Variants in SLC35F4 observed in about 807,000 individuals in gnomAD.
SLC35F4 encodes the protein chromosome 14 open reading frame 36.
In SLC35F4, 24 loss-of-function variants were observed where a neutral mutation model predicts 44.2. That is an observed-to-expected ratio of 0.54 (90% CI 0.39 to 0.76). The LOEUF (loss-of-function observed/expected upper bound fraction) is 0.76, where lower values mean the gene tolerates loss of function less well. Ranked by LOEUF, SLC35F4 falls within the 30% of genes least tolerant of loss-of-function variation. The pLI is 0.00. For synonymous variants in SLC35F4, 238 were observed against 223.6 expected, an observed-to-expected ratio of 1.06 and a Z score of -0.57; for missense variants, 562 against 586.1, an observed-to-expected ratio of 0.96 and a Z score of 0.42.
At chr14:57,714,956 C>T (rs534633688) in intron 1 of SLC35F4, among the ~76,000 whole-genome samples, 15 of 152,240 alleles carry the variant, frequency 9.9e-5, no homozygotes, top group African/African-American at 3.6e-4. Context: ...AATCTCAGTT[C>T]GTTCAACGGA....
intron 1 of SLC35F4, among the ~76,000 whole-genome samples, chr14:57,939,903 G>A (rs545601416): frequency 6.6e-6 from 1 of 152,296 alleles, no homozygotes; most frequent in Non-Finnish European, 1.5e-5. Context: ...TTCCTGTATA[G>A]AAAGTGATGG....
rs138798421 is a variant in SLC35F4, at chr14:57,890,468, A to G, written n.282+91445T>C. 5.0e-3 allele frequency among the ~76,000 whole-genome samples: 769 copies of G among 152,344 alleles called. 8 individuals are homozygous for G. Among genetic ancestry groups the G allele is most frequent in the African/African-American group, 0.018 (737 of 41,592 alleles). On this transcript the variant is annotated intron_variant and non_coding_transcript_variant, in intron 1 of 1. Transcript: ENST00000556568. ...ATCAAATTTGAATGTTTGATTTTCTATGAAAGACAAATTATATCCCAGTGG... is the reference window on the plus strand; with the variant it reads ...ATCAAATTTGAATGTTTGATTTTCTGTGAAAGACAAATTATATCCCAGTGG...
At chr14:57,625,894 T>G (rs912319183) in intron 1 of SLC35F4, among the ~76,000 whole-genome samples, 1 of 152,118 alleles carries the variant, frequency 6.6e-6, no homozygotes, top group African/African-American at 2.4e-5. Context: ...GCGGCACTGT[T>G]AACAATAGCA....
intron 1 of SLC35F4, among the ~76,000 whole-genome samples, chr14:57,921,441 C>T (rs1287202822): frequency 6.6e-6 from 1 of 152,198 alleles, no homozygotes; most frequent in Non-Finnish European, 1.5e-5. Flanking sequence ...GAAACCTTGG[C>T]TTTTTCATCT....
chr14:57,915,948 C>T (rs1019179245), intron 1 of SLC35F4, among the ~76,000 whole-genome samples: 4 of 152,158 alleles, frequency 2.6e-5, no homozygotes, highest in African/African-American at 9.7e-5. Context: ...AACACCACTC[C>T]CACATTTTCA....
intron 1 of SLC35F4, among the ~76,000 whole-genome samples, chr14:57,800,803 CA>C (rs2078174093): frequency 1.3e-5 from 2 of 151,764 alleles, no homozygotes; most frequent in Admixed American, 1.3e-4. Context: ...ATAAGACAGG[CA>C]GACAAGAATA....
intron 1 of SLC35F4, among the ~76,000 whole-genome samples, chr14:57,965,972 C>G (rs569724285): frequency 6.6e-6 from 1 of 152,182 alleles, no homozygotes; most frequent in African/African-American, 2.4e-5. Context: ...CTTGACAAAG[C>G]ATTTGGCAGC....
intron 1 of SLC35F4, among the ~76,000 whole-genome samples, chr14:57,757,494 T>C (rs1368540427): frequency 6.6e-6 from 1 of 152,112 alleles, no homozygotes; most frequent in Non-Finnish European, 1.5e-5. Context: ...TGATTATATT[T>C]TATTTTCTTT....
chr14:57,917,739 A>G (rs1889358982), intron 1 of SLC35F4, among the ~76,000 whole-genome samples: 1 of 152,118 alleles, frequency 6.6e-6, no homozygotes, highest in Non-Finnish European at 1.5e-5. Flanking sequence ...GGTTTGTTAC[A>G]TAGGAATATT....
chr14:57,797,439 C>T (rs1324776110), intron 1 of SLC35F4, among the ~76,000 whole-genome samples: 1 of 152,186 alleles, frequency 6.6e-6, no homozygotes, highest in Non-Finnish European at 1.5e-5. Flanking sequence ...ATGTCCTCAT[C>T]CCCGCTTTGC....
intron 1 of SLC35F4, among the ~76,000 whole-genome samples, chr14:57,783,809 C>CT (rs2077689490): frequency 6.6e-6 from 1 of 152,074 alleles, no homozygotes. Flanking sequence ...CTAATTCAGC[C>CT]TTTAGATCAG....
chr14:57,591,269 T>C (rs1237156260), intron 2 of SLC35F4, among the ~76,000 whole-genome samples: 1 of 151,000 alleles, frequency 6.6e-6, no homozygotes, highest in Non-Finnish European at 1.5e-5. Context: ...ACAGATACAA[T>C]GCCAGACAAG....
intron 1 of SLC35F4, among the ~76,000 whole-genome samples, chr14:57,832,794 A>G (rs1884516131): frequency 6.6e-6 from 1 of 152,236 alleles, no homozygotes; most frequent in African/African-American, 2.4e-5. Context: ...AGCAATTGAA[A>G]ATAGAATGCT....
chr14:57,904,970 T>G (rs1889079099), intron 1 of SLC35F4, among the ~76,000 whole-genome samples: 1 of 152,238 alleles, frequency 6.6e-6, no homozygotes, highest in Non-Finnish European at 1.5e-5. Flanking sequence ...CATCTCATGC[T>G]GCAGGACAAA....
intron 1 of SLC35F4, among the ~76,000 whole-genome samples, chr14:57,689,406 G>C (rs1422024200): frequency 6.6e-6 from 1 of 151,996 alleles, no homozygotes; most frequent in Admixed American, 6.6e-5. Context: ...CCAAGAAAGA[G>C]CCATCTCAAA....
chr14:57,706,585 T>A (rs1480360310), intron 1 of SLC35F4, among the ~76,000 whole-genome samples: 1 of 150,346 alleles, frequency 6.7e-6, no homozygotes, highest in Non-Finnish European at 1.5e-5. Flanking sequence ...ATAACAGGAG[T>A]CTCAACTTAC....
intron 4 of SLC35F4, among the ~76,000 whole-genome samples, chr14:57,574,145 C>A (rs1272610264): frequency 6.6e-6 from 1 of 152,068 alleles, no homozygotes; most frequent in East Asian, 1.9e-4. Context: ...AAGATATGAC[C>A]ACAGGTAGGA....
At chr14:57,702,321 T>C (rs926244520) in intron 1 of SLC35F4, among the ~76,000 whole-genome samples, 2 of 124,732 alleles carry the variant, frequency 1.6e-5, no homozygotes, top group East Asian at 2.3e-4. Flanking sequence ...CAAATAAATA[T>C]CATTTTCTTT....
At chr14:57,658,692 C>G (rs1365143068) in intron 1 of SLC35F4, among the ~76,000 whole-genome samples, 2 of 152,114 alleles carry the variant, frequency 1.3e-5, no homozygotes, top group African/African-American at 4.8e-5. Context: ...TGCCAAGGTT[C>G]TTTGGAGAAA....
Sources: gnomAD v4.1 joint callset for allele counts (sites outside exome capture counted in the v4.1 genomes callset) on GRCh38, gnomAD v4.1.1 for gene constraint, MANE v1.5 for transcripts, NCBI Gene and HGNC (gene_info 2026-07-23, HGNC 2026-07-21) for gene names.